The following PPP1R3A variants were observed in gnomAD, a reference collection of about 807,000 sequenced individuals.
PPP1R3A encodes the protein RG1.
In PPP1R3A, 29 loss-of-function variants were observed where a neutral mutation model predicts 41.7. The ratio of observed to expected loss-of-function variants is 0.70; its 90% CI spans 0.52 to 0.95. PPP1R3A has a LOEUF of 0.95. PPP1R3A is among the 40% of genes least tolerant of loss of function. PPP1R3A has a pLI of 0.00. For missense variants in PPP1R3A, 1,352 were observed against 1,292.4 expected (o/e 1.05, Z -0.71); for synonymous variants, 485 against 453.4 (o/e 1.07, Z -0.89).
chr7:113,879,246 G>C lies in PPP1R3A; in HGVS notation c.1846C>G (p.Gln616Glu), dbSNP rs1796635924. The C allele has an allele frequency of 6.2e-7, 1 of 1,613,532 alleles. No homozygotes were observed. The highest frequency in any genetic ancestry group is 8.5e-7 in the Non-Finnish European group (1 of 1,179,758). ...EGSALGGITGQVCSSRTGNVL... is the reference protein window; with the variant it reads ...EGSALGGITGEVCSSRTGNVL... ...TTTCCAGTTCTTGATGAACAAACTTGACCAGTTATCCCTCCTAAAGCGCTG... is the reference window on the plus strand; with the variant it reads ...TTTCCAGTTCTTGATGAACAAACTTCACCAGTTATCCCTCCTAAAGCGCTG... The change falls in exon 4 of 4, where the codon CAA becomes GAA. Residue 616 changes from glutamine to glutamate, a missense_variant. Coordinates refer to ENST00000284601, the MANE Select transcript of PPP1R3A (RefSeq NM_002711.4).
chr7:113,887,157 A>G (rs1014049402), intron 1 of PPP1R3A, among the ~76,000 whole-genome samples: 14 of 152,058 alleles, frequency 9.2e-5, no homozygotes, highest in African/African-American at 3.1e-4. Flanking sequence ...TTTATCTTCT[A>G]AGACTTAAAG....
chr7:113,878,988 A>G lies in PPP1R3A; in HGVS notation c.2104T>C (p.Leu702=). 6.2e-7 allele frequency: 1 copy of G among 1,613,434 alleles called. No individual in the cohort carries two copies. The highest frequency in any genetic ancestry group is 8.5e-7 in the Non-Finnish European group (1 of 1,179,818). ...CACACTGTTTCTTGGCAGGTAAACA[A>G]TTCTTCTGTAGTAGCTTTCAAACTC... ...TRSLKATTEE[L]FTCQETVCCE... The change falls in exon 4 of 4, where the codon TTG becomes CTG. Residue 702 remains leucine (L), a synonymous_variant. Transcript: ENST00000284601.
At chr7:113,904,413 A>G (rs1797113139) in intron 1 of PPP1R3A, among the ~76,000 whole-genome samples, 1 of 151,814 alleles carries the variant, frequency 6.6e-6, no homozygotes, top group Non-Finnish European at 1.5e-5. Flanking sequence ...TTAAGAAGTC[A>G]TAATAGATTT....
intron 1 of PPP1R3A, among the ~76,000 whole-genome samples, chr7:113,886,958 T>TCA (rs1192694736): frequency 1.3e-5 from 2 of 152,162 alleles, no homozygotes; most frequent in African/African-American, 4.8e-5. Flanking sequence ...TATTTTTCTG[T>TCA]GGCTAACACA....
intron 1 of PPP1R3A, among the ~76,000 whole-genome samples, chr7:113,895,875 G>A (rs894097079): frequency 1.3e-5 from 2 of 151,946 alleles, no homozygotes; most frequent in Middle Eastern, 3.4e-3. Flanking sequence ...ATGAACTTAC[G>A]TCACACATTA....
chr7:113,898,827 G>A (rs1241926677), intron 1 of PPP1R3A, among the ~76,000 whole-genome samples: 6 of 151,894 alleles, frequency 4.0e-5, no homozygotes, highest in Middle Eastern at 3.4e-3. Flanking sequence ...TAAGGCCCTG[G>A]CCACCATTTC....
intron 1 of PPP1R3A, among the ~76,000 whole-genome samples, chr7:113,910,065 G>GAC (rs1231140371): frequency 6.6e-6 from 1 of 152,014 alleles, no homozygotes; most frequent in East Asian, 1.9e-4. Flanking sequence ...CAGCAGGCAA[G>GAC]ACAGCTTGTG....
chr7:113,879,127 A>C lies in PPP1R3A; in HGVS notation c.1965T>G (p.Ser655Arg), dbSNP rs1263285702. Residue 655 changes from serine to arginine, a missense_variant, in exon 4 of 4, where the codon AGT becomes AGG. Transcript: ENST00000284601. Reference protein sequence around the residue: ...DQDNSPQHKQSWNVLESQGKS... With the variant: ...DQDNSPQHKQRWNVLESQGKS... ...TTCCCTGACTTTCCAGAACATTCCA[A>C]CTTTGTTTATGCTGTGGGCTATTAT... is the stretch of plus-strand genomic sequence containing the variant. 1 of 1,613,690 alleles carries C rather than the reference A, an allele frequency of 6.2e-7. No individual in the cohort carries two copies. Among genetic ancestry groups the C allele is most frequent in the Non-Finnish European group, 8.5e-7 (1 of 1,179,794 alleles).
At position 113,882,181 on chromosome 7, in the gene PPP1R3A, T is replaced by C. The variant is rs537685713; in HGVS notation, c.842-18A>G. On this transcript the variant is annotated intron_variant, in intron 2 of 3. Coordinates refer to ENST00000284601, the MANE Select transcript of PPP1R3A (RefSeq NM_002711.4). ...ATAGGTATCTGAAAAGTTAATATAA[T>C]TGTGCCTATGTAAGATTGTTTTAAT... The C allele has an allele frequency of 1.2e-6, 2 of 1,609,288 alleles. No individual in the cohort carries two copies. The highest frequency in any genetic ancestry group is 1.7e-5 in the Admixed American group (1 of 59,798).
Position 113,878,287 on chromosome 7 carries a change from C to A in PPP1R3A, c.2805G>T (p.Glu935Asp), listed in dbSNP as rs747057183. Residue 935 changes from glutamate to aspartate, a missense_variant, in exon 4 of 4, where the codon GAG (glutamate) becomes GAT (aspartate). Transcript: ENST00000284601. ...GGCTAGCCATGGTAGTAACTGCATTCTCTACAGCAATTGCCTGCTCATTAG... is the reference window on the plus strand; with the variant it reads ...GGCTAGCCATGGTAGTAACTGCATTATCTACAGCAATTGCCTGCTCATTAG... The part of the protein sequence containing the change: ...VSTNEQAIAV[E>D]NAVTTMASQP... The A allele has an allele frequency of 1.1e-5, 18 of 1,613,162 alleles. No individual in the cohort carries two copies. Among genetic ancestry groups the A allele is most frequent in the Admixed American group, 8.4e-5 (5 of 59,870 alleles).
At position 113,877,830 on chromosome 7, in the gene PPP1R3A, T is replaced by C; in HGVS notation, c.3262A>G (p.Thr1088Ala). The C allele has an allele frequency of 6.2e-7, 1 of 1,608,944 alleles. No individual in the cohort carries two copies. Among genetic ancestry groups the C allele is most frequent in the Non-Finnish European group, 8.5e-7 (1 of 1,175,894 alleles). Reference protein sequence around the residue: ...YFLLFLIFLITVYHYDLMIGL... With the variant: ...YFLLFLIFLIAVYHYDLMIGL... ...ATCATTAAGTCATAATGGTAGACAG[T>C]TATAAGAAATATCAGAAACAAAAGG... The change falls in exon 4 of 4, where the codon ACT becomes GCT. Residue 1088 changes from threonine (T) to alanine (A), a missense_variant. Transcript: ENST00000284601.
intron 1 of PPP1R3A, among the ~76,000 whole-genome samples, chr7:113,891,084 C>CAAAAAAAAAAAAAA (rs11342726): frequency 2.5e-5 from 2 of 79,788 alleles, no homozygotes; most frequent in Non-Finnish European, 2.3e-5. Context: ...GGAAAAAAAG[C>CAAAAAAAAAAAAAA]AAAAAAAAAA....
Position 113,876,815 on chromosome 7 carries a change from A to T in PPP1R3A, c.*908T>A, listed in dbSNP as rs867635750. On this transcript the variant is annotated 3_prime_UTR_variant, in exon 4 of 4. Transcript: ENST00000284601. ...TTCTCTTAGAAAATATTTGAAGACAAAAATACAATGTGGAACAAATAGTCC... is the reference window on the plus strand; with the variant it reads ...TTCTCTTAGAAAATATTTGAAGACATAAATACAATGTGGAACAAATAGTCC... 5 of 152,366 alleles carry T rather than the reference A, an allele frequency of 3.3e-5. No individual in the cohort carries two copies. The highest frequency in any genetic ancestry group is 6.8e-3 in the Middle Eastern group (2 of 294). The allele number at this position is 152,366 out of a possible 1,614,324, so 9.4% of individuals were successfully genotyped here. A position where few individuals can be genotyped will look rare whatever the true frequency, so the allele number is the denominator to read the frequency against.
At chr7:113,906,788 T>C (rs1797155998) in intron 1 of PPP1R3A, among the ~76,000 whole-genome samples, 1 of 151,798 alleles carries the variant, frequency 6.6e-6, no homozygotes, top group South Asian at 2.1e-4. Flanking sequence ...CTTAGACTAA[T>C]ACACCATTCC....
chr7:113,917,083 T>A (rs866221302), intron 1 of PPP1R3A, among the ~76,000 whole-genome samples: 2 of 152,096 alleles, frequency 1.3e-5, no homozygotes, highest in African/African-American at 2.4e-5. Flanking sequence ...GCACAATTTT[T>A]AAAAAAATTT....
At position 113,879,392 on chromosome 7, in the gene PPP1R3A, C is replaced by T; in HGVS notation, c.1700G>A (p.Ser567Asn). ...ASNRDLATLL[S>N]EHTAIPTRAI... ...CCGGGTGGGGATTGCGGTATGTTCG[C>T]TCAGCAGAGTAGCCAGGTCTCTGTT... Residue 567 changes from serine (S) to asparagine (N), a missense_variant, in exon 4 of 4, where the codon AGC (serine) becomes AAC (asparagine). By Grantham distance (46) the Ser-to-Asn change is conservative. Transcript: ENST00000284601. 1 of 1,613,536 alleles carries T rather than the reference C, an allele frequency of 6.2e-7. No individual in the cohort carries two copies.
At chr7:113,884,600 T>A (rs1295943631) in intron 1 of PPP1R3A, among the ~76,000 whole-genome samples, 2 of 152,072 alleles carry the variant, frequency 1.3e-5, no homozygotes, top group Non-Finnish European at 2.9e-5. Flanking sequence ...ACCTTGAAAT[T>A]CTTAGTAGAA....
chr7:113,892,840 A>G (rs1361946439), intron 1 of PPP1R3A, among the ~76,000 whole-genome samples: 2 of 152,048 alleles, frequency 1.3e-5, no homozygotes, highest in African/African-American at 4.8e-5. Flanking sequence ...AAATGTCTTT[A>G]TATTCTTCTA....
Position 113,877,796 on chromosome 7 carries a change from G to A in PPP1R3A, c.3296C>T (p.Thr1099Ile), listed in dbSNP as rs1009783969. The A allele has an allele frequency of 1.9e-6, 3 of 1,606,282 alleles. No individual in the cohort carries two copies. The highest frequency in any genetic ancestry group is 2.6e-6 in the Non-Finnish European group (3 of 1,174,978). Residue 1099 changes from threonine to isoleucine, a missense_variant, in exon 4 of 4, where the codon ACA becomes ATA. By Grantham distance (89) the Thr-to-Ile change is moderately conservative (BLOSUM62 -1). Transcript: ENST00000284601. ...CCAGGACAATGACAAAACGTAGAAT[G>A]TCAAGCCAATCATTAAGTCATAATG... ...VYHYDLMIGL[T>I]FYVLSLSWLS... is the part of the protein sequence containing the mutation.
Sources: allele counts gnomAD v4.1 joint callset (sites outside exome capture counted in the v4.1 genomes callset), GRCh38; gene constraint gnomAD v4.1.1; transcripts MANE v1.5; gene names NCBI Gene and HGNC (gene_info 2026-07-23, HGNC 2026-07-21).